CNBD1: variants seen among roughly 807,000 people sequenced by gnomAD.
CNBD1 encodes the protein cyclic nucleotide binding domain containing 1.
CNBD1 carries 71 observed loss-of-function variants against 54.4 expected under a neutral mutation model. That is an observed-to-expected ratio of 1.30 (90% CI 1.08 to 1.59). The LOEUF (loss-of-function observed/expected upper bound fraction) is 1.59, where lower values mean the gene tolerates loss of function less well. CNBD1 is among the 40% of genes most tolerant of loss of function. The pLI is 0.00. For missense variants in CNBD1, 659 were observed against 518.0 expected, an observed-to-expected ratio of 1.27 and a Z score of -2.64; for synonymous variants, 182 against 170.7, an observed-to-expected ratio of 1.07 and a Z score of -0.51.
At chr8:87,302,806 A>G (rs1046426556) in intron 8 of CNBD1, among the ~76,000 whole-genome samples, 5 of 152,008 alleles carry the variant, frequency 3.3e-5, no homozygotes, top group East Asian at 3.8e-4. Flanking sequence ...TACAAAATCA[A>G]TGTGCAAAAA....
In CNBD1 at chr8:87,388,315, G is replaced by T. The variant is rs989047693; in HGVS notation, c.213+34529G>T. Among the ~76,000 whole-genome samples, 4 of 152,212 alleles carry T rather than the reference G, an allele frequency of 2.6e-5. 1 individual carries two copies. The Middle Eastern group carries it at 0.014, about 518-fold the overall frequency. On this transcript the variant is annotated intron_variant, in intron 2 of 7. Coordinates refer to the CNBD1 transcript ENST00000521593. ...CTTCAAAAAATCAATGAATCCAGGAGCTGGTTTTTTGAAAAGATCAACGAA... is the reference window on the plus strand; with the variant it reads ...CTTCAAAAAATCAATGAATCCAGGATCTGGTTTTTTGAAAAGATCAACGAA...
intron 4 of CNBD1, among the ~76,000 whole-genome samples, chr8:87,041,626 G>A (rs1288628127): frequency 2.6e-5 from 4 of 152,128 alleles, no homozygotes; most frequent in African/African-American, 7.2e-5. Context: ...GTGAAACCCC[G>A]TCTCTACTAA....
intron 3 of CNBD1, among the ~76,000 whole-genome samples, chr8:86,939,225 A>G (rs1347813282): frequency 6.6e-6 from 1 of 151,922 alleles, no homozygotes. Flanking sequence ...CTTGGTGCTA[A>G]AAAAAAACAC....
chr8:87,050,839 G>A (rs954440077), intron 4 of CNBD1, among the ~76,000 whole-genome samples: 1 of 152,118 alleles, frequency 6.6e-6, no homozygotes, highest in Non-Finnish European at 1.5e-5. Context: ...GGCCTAAGGA[G>A]GCCTTGTGCT....
chr8:87,190,823 T>C (rs929854449), intron 4 of CNBD1, among the ~76,000 whole-genome samples: 16 of 124,906 alleles, frequency 1.3e-4, no homozygotes, highest in Non-Finnish European at 1.7e-5. Context: ...ACAGAACCAA[T>C]AGGAGGTACA....
chr8:86,942,118 T>TA (rs2130430347), intron 4 of CNBD1, among the ~76,000 whole-genome samples: 1 of 152,296 alleles, frequency 6.6e-6, no homozygotes, highest in Non-Finnish European at 1.5e-5. Flanking sequence ...AAGCTCTCTA[T>TA]AAAAAATTTG....
intron 8 of CNBD1, among the ~76,000 whole-genome samples, chr8:87,346,649 G>A (rs960540810): frequency 6.6e-6 from 1 of 151,944 alleles, no homozygotes; most frequent in Non-Finnish European, 1.5e-5. Flanking sequence ...GTTTTTAAGA[G>A]TATAGTGACT....
In CNBD1 at chr8:86,873,968, C is replaced by G. The variant is rs183595452; in HGVS notation, c.88+7385C>G. The stretch of plus-strand genomic sequence containing the variant: ...CAACTATCAAGATCAGGAAAATTAA[C>G]ATTGATACATTACTGTAATCTAATC... On this transcript the variant is annotated intron_variant, in intron 1 of 10. Transcript: ENST00000518476. Among the ~76,000 whole-genome samples the G allele has an allele frequency of 8.5e-5, 13 of 152,262 alleles. No homozygotes were observed. In the East Asian group the frequency reaches 2.5e-3, roughly 29 times the overall value.
chr8:87,332,658 TA>T (rs1809860635), intron 8 of CNBD1, among the ~76,000 whole-genome samples: 1 of 152,180 alleles, frequency 6.6e-6, no homozygotes, highest in African/African-American at 2.4e-5. Flanking sequence ...TGCTTGATTT[TA>T]TTAGGTTTGT....
rs556812707 is a variant in CNBD1 at position 87,092,815 on chromosome 8, T to A, written c.432-113178T>A. The stretch of plus-strand genomic sequence containing the variant: ...TGGTACCTCTCTTCTGAGCTCCAGA[T>A]CCATTTATCAATTCTGAAATTTGAT... On this transcript the variant is annotated intron_variant, in intron 4 of 10. Coordinates refer to ENST00000518476, the MANE Select transcript of CNBD1 (RefSeq NM_173538.3). Among the ~76,000 whole-genome samples the A allele has an allele frequency of 2.0e-5, 3 of 152,274 alleles. No homozygotes were observed. In the East Asian group the frequency reaches 5.8e-4, roughly 29 times the overall value.
rs773483273 is a variant in CNBD1 at position 86,887,599 on chromosome 8, G to A, written c.146G>A (p.Arg49Lys). ...CAGTTGAATGCATTATGCCACATTAGAGGACAACACAGGTAAGCTATTCAT... is the reference window on the plus strand; with the variant it reads ...CAGTTGAATGCATTATGCCACATTAAAGGACAACACAGGTAAGCTATTCAT... ...YGQLNALCHI[R>K]GQHSRSMSNI... The change falls in exon 2 of 11, where the codon AGA becomes AAA. Residue 49 changes from arginine to lysine, a missense_variant. Transcript: ENST00000518476. The A allele has an allele frequency of 1.9e-6, 3 of 1,581,552 alleles. No homozygotes were observed. The highest frequency in any genetic ancestry group is 8.6e-7 in the Non-Finnish European group (1 of 1,161,454).
chr8:87,125,720 A>T (rs1375329208), intron 4 of CNBD1, among the ~76,000 whole-genome samples: 1 of 151,834 alleles, frequency 6.6e-6, no homozygotes, highest in Admixed American at 6.6e-5. Flanking sequence ...AAAAGTATAT[A>T]GTTTAATAAG....
chr8:87,323,740 A>G lies in CNBD1; in HGVS notation c.1043-27945A>G, dbSNP rs373154956. Among the ~76,000 whole-genome samples the G allele has an allele frequency of 2.1e-3, 272 of 130,928 alleles. 2 individuals are homozygous for G. The highest frequency in any genetic ancestry group is 7.4e-3 in the African/African-American group (262 of 35,176). The allele number at this position is 130,928 out of a possible 152,430, so 85.9% of individuals were successfully genotyped here. ...GGTTTTCTAGATAAACAATCATGTCATCTGCAAACAGGGACAATTTGACTT... is the reference window on the plus strand; with the variant it reads ...GGTTTTCTAGATAAACAATCATGTCGTCTGCAAACAGGGACAATTTGACTT... On this transcript the variant is annotated intron_variant, in intron 8 of 10. Transcript: ENST00000518476.
intron 4 of CNBD1, among the ~76,000 whole-genome samples, chr8:86,970,155 A>G (rs113361402): frequency 0.013 from 1,932 of 152,216 alleles, 31 homozygotes; most frequent in African/African-American, 0.037. Context: ...CTGTTATTCC[A>G]TTGAAAATAA....
chr8:87,358,618 A>G (rs753338087), intron 10 of CNBD1, among the ~76,000 whole-genome samples: 1 of 152,178 alleles, frequency 6.6e-6, no homozygotes, highest in African/African-American at 2.4e-5. Flanking sequence ...GCGATCTATT[A>G]TGGGGATTGG....
intron 2 of CNBD1, among the ~76,000 whole-genome samples, chr8:87,410,099 A>T (rs1041805797): frequency 2.6e-5 from 4 of 152,092 alleles, no homozygotes; most frequent in Non-Finnish European, 4.4e-5. Flanking sequence ...ATGACAGCCC[A>T]TCTGTTTATA....
chr8:87,413,347 T>C (rs1016679160), intron 2 of CNBD1, among the ~76,000 whole-genome samples: 2 of 152,112 alleles, frequency 1.3e-5, no homozygotes, highest in African/African-American at 2.4e-5. Flanking sequence ...TTTAAAATGA[T>C]TCAAGTCTTC....
rs562260691 is a variant in CNBD1 at position 87,348,935 on chromosome 8, G to T, written c.1043-2750G>T. On this transcript the variant is annotated intron_variant, in intron 8 of 10. Transcript: ENST00000518476. ...CCTTCTGATATTCTTCTTTTCCTTT[G>T]CCTTAAGATAAAATCAAGTTTGTTC... Among the ~76,000 whole-genome samples the T allele has an allele frequency of 3.9e-3, 590 of 152,146 alleles. 8 individuals carry two copies. The highest frequency in any genetic ancestry group is 0.013 in the African/African-American group (556 of 41,524).
chr8:86,886,569 T>C (rs565003585), intron 1 of CNBD1, among the ~76,000 whole-genome samples: 2 of 152,212 alleles, frequency 1.3e-5, no homozygotes, highest in Non-Finnish European at 2.9e-5. Context: ...CAATTTGTTA[T>C]TGGTGATTAA....
Sources: gnomAD v4.1 joint callset for allele counts (sites outside exome capture counted in the v4.1 genomes callset) on GRCh38, gnomAD v4.1.1 for gene constraint, MANE v1.5 for transcripts, NCBI Gene and HGNC (gene_info 2026-07-23, HGNC 2026-07-21) for gene names.